Variants in NUP210L observed in about 807,000 individuals in gnomAD.
NUP210L encodes nuclear pore membrane glycoprotein 210-like.
Under a neutral mutation model 208.5 loss-of-function variants are expected in NUP210L, and 74 were observed. That is an observed-to-expected ratio of 0.35 (90% CI 0.29 to 0.43). The LOEUF (loss-of-function observed/expected upper bound fraction) is 0.43. Ranked by LOEUF, NUP210L falls within the 20% of genes least tolerant of loss-of-function variation. The probability of loss-of-function intolerance (pLI) is 1.00; values close to 1 mark genes in which losing one functional copy is unlikely to be tolerated. For synonymous variants in NUP210L, 780 were observed against 816.9 expected (o/e 0.95, Z 0.77); for missense variants, 1,843 against 2,289.4 (o/e 0.81, Z 3.98).
rs776188350 is a variant in NUP210L at position 154,046,021 on chromosome 1, T to G, written c.3696+48A>C. ...AAACTTATGATAAATTAAAATAAAT[T>G]TAATATCAAGATCCCTAAGATAACA... On this transcript the variant is annotated intron_variant, in intron 27 of 39. Transcript: ENST00000368559. 5.3e-6 allele frequency: 8 copies of G among 1,515,320 alleles called. No individual in the cohort carries two copies. In the Admixed American group the frequency reaches 8.5e-5, roughly 16 times the overall value. The allele number at this position is 1,515,320 out of a possible 1,614,324, so 93.9% of individuals were successfully genotyped here.
At chr1:154,025,705 G>T (rs1651840844) in exon 30 of NUP210L, 3 of 1,612,310 alleles carry the variant, frequency 1.9e-6, no homozygotes, top group Non-Finnish European at 2.5e-6. Flanking sequence ...ACTCACGAAG[G>T]CAGCTCCTTC....
rs371134464 is a variant in NUP210L at position 154,127,381 on chromosome 1, T to C, written c.1115A>G (p.Glu372Gly). 7.2e-5 allele frequency: 115 copies of C among 1,605,964 alleles called. No individual in the cohort carries two copies. In the East Asian group the frequency reaches 2.3e-3, roughly 32 times the overall value. The change falls in exon 9 of 40, where the codon GAG becomes GGG. Residue 372 changes from glutamate (E) to glycine (G), a missense_variant. By Grantham distance (98) the Glu-to-Gly change is moderately conservative. Around this residue, in one of 5 missense-constraint regions of NUP210L, gnomAD observed 542 missense variants for 606.4 expected, o/e 0.89. Coordinates refer to ENST00000368559, the Ensembl canonical transcript of NUP210L. ...TGTAATGACATATACCTGTCCCACCTCTAGACTCCATCGGTTTCCAGGTTG... is the reference window on the plus strand; with the variant it reads ...TGTAATGACATATACCTGTCCCACCCCTAGACTCCATCGGTTTCCAGGTTG...
At chr1:153,994,320 AC>A (rs1649692048) in intron 38 of NUP210L, among the ~76,000 whole-genome samples, 1 of 150,218 alleles carries the variant, frequency 6.7e-6, no homozygotes, top group Admixed American at 6.6e-5. Flanking sequence ...TAAGTTGAGG[AC>A]CTTTTTTTTT....
At chr1:154,056,581 T>C (rs1385914040) in intron 23 of NUP210L, among the ~76,000 whole-genome samples, 1 of 151,996 alleles carries the variant, frequency 6.6e-6, no homozygotes, top group Non-Finnish European at 1.5e-5. Flanking sequence ...GGCTAATTTA[T>C]TTTATTTTAT....
chr1:154,024,205 C>T (rs1251038450), intron 30 of NUP210L, among the ~76,000 whole-genome samples: 1 of 152,186 alleles, frequency 6.6e-6, no homozygotes, highest in Non-Finnish European at 1.5e-5. Flanking sequence ...TAATCAATTA[C>T]TTATCAGGAA....
At chr1:154,104,574 C>T (rs1164729549) in intron 12 of NUP210L, 14 of 173,336 alleles carry the variant, frequency 8.1e-5, no homozygotes, top group South Asian at 2.8e-4. Context: ...ACAATCACTG[C>T]ACTCCCCCAG....
intron 23 of NUP210L, among the ~76,000 whole-genome samples, chr1:154,055,585 G>A (rs1461578298): frequency 1.3e-5 from 2 of 151,880 alleles, no homozygotes; most frequent in Admixed American, 6.6e-5. Flanking sequence ...TGGCAGAGAT[G>A]GGGTCTCCCT....
chr1:154,013,575 A>G (rs374639308), intron 33 of NUP210L, among the ~76,000 whole-genome samples: 300 of 117,426 alleles, frequency 2.6e-3, no homozygotes, highest in African/African-American at 0.014. Context: ...CTCCATCTCA[A>G]AAAAACAAAA....
intron 25 of NUP210L, among the ~76,000 whole-genome samples, chr1:154,050,632 T>C (rs1466450106): frequency 6.6e-6 from 1 of 152,212 alleles, no homozygotes; most frequent in Non-Finnish European, 1.5e-5. Context: ...AGAAAAATTA[T>C]TGTCCCTCTC....
chr1:154,113,500 T>A (rs1473769354), intron 12 of NUP210L, among the ~76,000 whole-genome samples: 3 of 151,990 alleles, frequency 2.0e-5, no homozygotes, highest in Non-Finnish European at 4.4e-5. Flanking sequence ...TTTAAAAGGT[T>A]GTAAAATAAA....
At chr1:154,082,940 C>T (rs929019305) in intron 16 of NUP210L, among the ~76,000 whole-genome samples, 5 of 151,900 alleles carry the variant, frequency 3.3e-5, no homozygotes, top group Non-Finnish European at 5.9e-5. Flanking sequence ...AAAGGTGGCA[C>T]ATCAGAAGTT....
chr1:154,030,137 AT>A (rs911167024), intron 27 of NUP210L, 83 bp from the exon 28 acceptor site: 329 of 960,148 alleles, frequency 3.4e-4, no homozygotes, highest in South Asian at 5.2e-4. Context: ...TTAATATTAA[AT>A]TTTTTTTTAA....
chr1:154,155,080 A>C lies in NUP210L; in HGVS notation c.-36T>G, dbSNP rs778186748. 6.7e-7 allele frequency: 1 copy of C among 1,497,540 alleles called. No homozygotes were observed. Among genetic ancestry groups the C allele is most frequent in the South Asian group, 1.2e-5 (1 of 84,728 alleles). The allele number at this position is 1,497,540 out of a possible 1,614,324, so 92.8% of individuals were successfully genotyped here. The stretch of plus-strand genomic sequence containing the variant: ...AGGTCTCGGGTTCCCGCTCAACTAC[A>C]GCCGGCTCACAGCTCCATCAGCCAA... On this transcript the variant is annotated 5_prime_UTR_variant, in exon 1 of 40. Transcript: ENST00000368559.
chr1:154,091,770 GA>G (rs1388254069), intron 15 of NUP210L, among the ~76,000 whole-genome samples: 1 of 151,288 alleles, frequency 6.6e-6, no homozygotes, highest in Non-Finnish European at 1.5e-5. Flanking sequence ...CAAAGTGCTG[GA>G]ATTATAGGCG....
At chr1:154,056,314 A>G (rs1228596691) in intron 23 of NUP210L, among the ~76,000 whole-genome samples, 4 of 151,894 alleles carry the variant, frequency 2.6e-5, no homozygotes, top group African/African-American at 9.7e-5. Context: ...ACCACTACAC[A>G]TGTTTTTCCA....
chr1:154,115,619 G>A (rs1450521795), intron 12 of NUP210L, among the ~76,000 whole-genome samples: 14 of 152,026 alleles, frequency 9.2e-5, no homozygotes, highest in Non-Finnish European at 1.5e-5. Flanking sequence ...GTCATACAGG[G>A]CTTTAAATAT....
chr1:153,999,734 C>CAAAAAAAAAA (rs1172554188), intron 37 of NUP210L, among the ~76,000 whole-genome samples: 1 of 54,596 alleles, frequency 1.8e-5, no homozygotes, highest in Non-Finnish European at 3.3e-5. Flanking sequence ...AAGACTCTCT[C>CAAAAAAAAAA]AAAAAAAAAA....
At chr1:153,995,255 A>AT (rs1248329158) in intron 37 of NUP210L, 75 bp from the exon 38 acceptor site, 23 of 1,104,532 alleles carry the variant, frequency 2.1e-5, no homozygotes, top group Admixed American at 1.4e-4. Context: ...TTTAAATTTA[A>AT]TTTTTTTTGA....
intron 13 of NUP210L, among the ~76,000 whole-genome samples, chr1:154,101,987 T>C (rs1405032095): frequency 6.6e-6 from 1 of 151,828 alleles, no homozygotes; most frequent in East Asian, 1.9e-4. Context: ...CGGTCTCTAC[T>C]AAAAAATTCA....
Sources: allele counts gnomAD v4.1 joint callset (sites outside exome capture counted in the v4.1 genomes callset), GRCh38; gene constraint gnomAD v4.1.1; regional missense constraint gnomAD v4.1.1; transcripts MANE v1.5; gene names NCBI Gene and HGNC (gene_info 2026-07-23, HGNC 2026-07-21).